Variants in TMEFF2 observed in about 807,000 individuals in gnomAD.
TMEFF2 encodes transmembrane protein with EGF like and two follistatin like domains 2, also known as tomoregulin-2.
In TMEFF2, 28 loss-of-function variants were observed where a neutral mutation model predicts 53.8. The ratio of observed to expected loss-of-function variants is 0.52; its 90% CI spans 0.39 to 0.71. The LOEUF (loss-of-function observed/expected upper bound fraction) is 0.71, where lower values mean the gene tolerates loss of function less well. TMEFF2 is among the 30% of genes least tolerant of loss of function. The probability of loss-of-function intolerance (pLI) is 0.00; values close to 1 mark genes in which losing one functional copy is unlikely to be tolerated. For missense variants in TMEFF2, 353 were observed against 455.2 expected (o/e 0.78, Z 2.04); for synonymous variants, 162 against 166.3 (o/e 0.97, Z 0.20).
chr2:192,129,161 A>G (rs1328853547), intron 4 of TMEFF2, among the ~76,000 whole-genome samples: 3 of 152,196 alleles, frequency 2.0e-5, no homozygotes, highest in Non-Finnish European at 4.4e-5. Context: ...AAAAATGACT[A>G]GGAATCCTGG....
At chr2:192,146,483 A>T (rs1690252570) in intron 4 of TMEFF2, among the ~76,000 whole-genome samples, 1 of 152,000 alleles carries the variant, frequency 6.6e-6, no homozygotes, top group African/African-American at 2.4e-5. Context: ...TAATGACAGC[A>T]TTTTCCCTAA....
chr2:192,090,290 A>T lies in TMEFF2; in HGVS notation c.440-32515T>A, dbSNP rs535821676. 5.3e-5 allele frequency among the ~76,000 whole-genome samples: 8 copies of T among 152,254 alleles called. No individual in the cohort carries two copies. The South Asian group carries it at 1.7e-3, about 32-fold the overall frequency. On this transcript the variant is annotated intron_variant, in intron 4 of 9. Coordinates refer to ENST00000272771, the MANE Select transcript of TMEFF2 (RefSeq NM_016192.4). ...AACTGAAGGAAATGCTGAAAGACAA[A>T]AATTGTAGATTCTTTAGTGGAGTGA...
intron 7 of TMEFF2, among the ~76,000 whole-genome samples, chr2:191,993,020 A>G (rs1187763986): frequency 6.6e-6 from 1 of 152,012 alleles, no homozygotes; most frequent in African/African-American, 2.4e-5. Context: ...TAGTTCTATC[A>G]CATTCTCTTT....
At chr2:192,175,594 G>T (rs1402000863) in intron 4 of TMEFF2, among the ~76,000 whole-genome samples, 3 of 151,242 alleles carry the variant, frequency 2.0e-5, no homozygotes, top group Non-Finnish European at 4.4e-5. Flanking sequence ...ACCTATTAAA[G>T]AATTATCTTA....
intron 4 of TMEFF2, among the ~76,000 whole-genome samples, chr2:192,161,687 C>A (rs1690638049): frequency 6.6e-6 from 1 of 152,122 alleles, no homozygotes; most frequent in Non-Finnish European, 1.5e-5. Context: ...GGCTTTGGAG[C>A]CATCCTTTCC....
intron 5 of TMEFF2, chr2:192,028,025 G>A (rs558677634): frequency 6.9e-6 from 1 of 145,668 alleles, no homozygotes; most frequent in East Asian, 2.1e-4. Flanking sequence ...TAATTCTCCT[G>A]TGGGAGGAAC....
At chr2:191,953,545 G>T in intron 9 of TMEFF2, 134 bp downstream of exon 9, 1 of 901,820 alleles carries the variant, frequency 1.1e-6, no homozygotes, top group Non-Finnish European at 1.6e-6. Context: ...ATACTCTTAT[G>T]CTAAGGACAT....
chr2:192,068,940 C>T (rs1253180317), intron 4 of TMEFF2, among the ~76,000 whole-genome samples: 1 of 149,750 alleles, frequency 6.7e-6, no homozygotes, highest in African/African-American at 2.4e-5. Context: ...TAATATTTTC[C>T]AGCCTAGTGT....
chr2:191,992,715 T>C (rs903476765), intron 7 of TMEFF2: 1 of 152,090 alleles, frequency 6.6e-6, no homozygotes, highest in Non-Finnish European at 1.5e-5. Context: ...TAGCAAACAC[T>C]TTCCTCTTGC....
intron 7 of TMEFF2, among the ~76,000 whole-genome samples, chr2:191,956,717 AT>A (rs1404093420): frequency 6.6e-6 from 1 of 152,096 alleles, no homozygotes; most frequent in Admixed American, 6.5e-5. Context: ...GAAATATCCT[AT>A]TTTTTAAATT....
chr2:192,050,984 A>G (rs1437986382), intron 5 of TMEFF2, among the ~76,000 whole-genome samples: 3 of 152,070 alleles, frequency 2.0e-5, no homozygotes, highest in Non-Finnish European at 4.4e-5. Flanking sequence ...TTTTGGGCAA[A>G]TGGAATCATT....
At chr2:192,143,157 C>T (rs1690176112) in intron 4 of TMEFF2, among the ~76,000 whole-genome samples, 2 of 152,168 alleles carry the variant, frequency 1.3e-5, no homozygotes, top group South Asian at 4.1e-4. Flanking sequence ...ACGTAAAACT[C>T]ACCAGCCCCT....
At chr2:192,140,820 A>C (rs762663182) in intron 4 of TMEFF2, among the ~76,000 whole-genome samples, 3 of 152,196 alleles carry the variant, frequency 2.0e-5, no homozygotes, top group South Asian at 4.1e-4. Flanking sequence ...TGAAGTCATG[A>C]GCTTGCACGT....
intron 4 of TMEFF2, among the ~76,000 whole-genome samples, chr2:192,136,031 A>G (rs35215307): frequency 0.4 from 61,006 of 151,382 alleles, 13,464 homozygotes; most frequent in Middle Eastern, 0.54. Context: ...GACTCAGCCC[A>G]CCTGCACCCA....
intron 4 of TMEFF2, among the ~76,000 whole-genome samples, chr2:192,109,085 A>G (rs1218097444): frequency 6.6e-6 from 1 of 152,064 alleles, no homozygotes; most frequent in East Asian, 1.9e-4. Flanking sequence ...AGTTCTGGAA[A>G]TAAGTAGTGG....
intron 7 of TMEFF2, 39 bp from the exon 8 acceptor site, chr2:191,956,417 C>CT: frequency 1.9e-6 from 3 of 1,598,066 alleles, no homozygotes; most frequent in Non-Finnish European, 2.6e-6. Flanking sequence ...CCTGTAAATA[C>CT]TTAGCCTGGT....
intron 4 of TMEFF2, among the ~76,000 whole-genome samples, chr2:192,066,057 C>T (rs1262175615): frequency 1.3e-5 from 2 of 151,582 alleles, no homozygotes; most frequent in Non-Finnish European, 3.0e-5. Context: ...CTAAATTTTC[C>T]CTAGAAACCC....
intron 7 of TMEFF2, among the ~76,000 whole-genome samples, chr2:191,968,510 G>T (rs1692532153): frequency 6.6e-6 from 1 of 152,186 alleles, no homozygotes; most frequent in South Asian, 2.1e-4. Flanking sequence ...CTTCTAAATT[G>T]CAGGCCTTAC....
intron 4 of TMEFF2, among the ~76,000 whole-genome samples, chr2:192,097,771 C>G (rs1240816872): frequency 6.6e-6 from 1 of 152,014 alleles, no homozygotes; most frequent in Non-Finnish European, 1.5e-5. Context: ...AGATATATCA[C>G]TGAAGAGAAT....
Sources: allele counts gnomAD v4.1 joint callset (sites outside exome capture counted in the v4.1 genomes callset), GRCh38; gene constraint gnomAD v4.1.1; transcripts MANE v1.5; gene names NCBI Gene and HGNC (gene_info 2026-07-23, HGNC 2026-07-21).